TNR: variants seen among roughly 807,000 people sequenced by gnomAD.
The protein encoded by TNR is tenascin R.
In TNR, 45 loss-of-function variants were observed where a neutral mutation model predicts 150.4. The observed-to-expected ratio is 0.30, with a 90% CI of 0.24 to 0.38. TNR has a LOEUF of 0.38. Ranked by LOEUF, TNR falls within the 10% of genes least tolerant of loss-of-function variation. The pLI, the probability that TNR is intolerant of heterozygous loss-of-function variation, is 1.00. For synonymous variants in TNR, 687 were observed against 678.4 expected (o/e 1.01, Z -0.20); for missense variants, 1,544 against 1,759.1 (o/e 0.88, Z 2.19).
intron 9 of TNR, among the ~76,000 whole-genome samples, chr1:175,377,424 C>T (rs1157425656): frequency 2.7e-5 from 4 of 149,994 alleles, no homozygotes; most frequent in Non-Finnish European, 5.9e-5. Context: ...GGATGGGCTG[C>T]GCTTAGAATC....
intron 18 of TNR, among the ~76,000 whole-genome samples, chr1:175,350,670 C>T (rs536394336): frequency 1.1e-4 from 17 of 152,300 alleles, no homozygotes; most frequent in Non-Finnish European, 2.5e-4. Flanking sequence ...AGAAACACAA[C>T]AAGGGAAGAC....
intron 2 of TNR, among the ~76,000 whole-genome samples, chr1:175,435,573 G>A (rs1329358635): frequency 1.3e-5 from 2 of 152,210 alleles, no homozygotes; most frequent in Non-Finnish European, 2.9e-5. Flanking sequence ...TTGGGCTGGA[G>A]ATGTAAATTT....
intron 18 of TNR, among the ~76,000 whole-genome samples, chr1:175,346,356 A>G (rs1236811354): frequency 1.3e-5 from 2 of 152,194 alleles, no homozygotes; most frequent in Non-Finnish European, 2.9e-5. Context: ...GGGGAGGTGA[A>G]GCGGGTAGGG....
At chr1:175,331,046 TTTC>T (rs1649772093) in intron 20 of TNR, among the ~76,000 whole-genome samples, 31 of 82,958 alleles carry the variant, frequency 3.7e-4, no homozygotes, top group African/African-American at 1.2e-3. Context: ...TCTTTCTTTC[TTTC>T]TTTCTTTCTT....
chr1:175,555,802 G>A (rs943654559), intron 1 of TNR, among the ~76,000 whole-genome samples: 6 of 152,204 alleles, frequency 3.9e-5, no homozygotes, highest in Non-Finnish European at 7.3e-5. Context: ...GCTGACCCAA[G>A]TTCAGCTTAT....
At chr1:175,517,037 G>C (rs1441619288) in intron 2 of TNR, among the ~76,000 whole-genome samples, 2 of 150,500 alleles carry the variant, frequency 1.3e-5, no homozygotes, top group Non-Finnish European at 2.9e-5. Context: ...GAGAGAGAGA[G>C]AGAGAGAGAG....
intron 2 of TNR, among the ~76,000 whole-genome samples, chr1:175,437,631 C>G (rs925087401): frequency 6.6e-6 from 1 of 151,940 alleles, no homozygotes; most frequent in African/African-American, 2.4e-5. Context: ...AGACCGCTAG[C>G]AAGACTAATA....
intron 1 of TNR, among the ~76,000 whole-genome samples, chr1:175,610,857 T>C (rs1663571956): frequency 6.6e-6 from 1 of 152,200 alleles, no homozygotes; most frequent in Non-Finnish European, 1.5e-5. Context: ...ATGCCACCAC[T>C]GCAGTAAGAG....
chr1:175,576,532 C>T (rs1406858232), intron 1 of TNR, among the ~76,000 whole-genome samples: 1 of 152,164 alleles, frequency 6.6e-6, no homozygotes, highest in Non-Finnish European at 1.5e-5. Context: ...CTAGGCACAG[C>T]AGCTACAAAG....
chr1:175,366,166 T>C lies in TNR; in HGVS notation c.2054-28A>G, dbSNP rs762592590. ...GTGGATTGACATAAATGGCCTATTT[T>C]ACATGTGTTCCCCTGGAGGGCAGTA... On this transcript the variant is annotated intron_variant, in intron 10 of 22. Transcript: ENST00000367674. The C allele has an allele frequency of 8.0e-5, 125 of 1,561,188 alleles. No homozygotes were observed. The Middle Eastern group carries it at 1.0e-3, about 13-fold the overall frequency.
chr1:175,370,976 T>C (rs1652074620), intron 9 of TNR, among the ~76,000 whole-genome samples: 2 of 152,128 alleles, frequency 1.3e-5, no homozygotes, highest in Admixed American at 1.3e-4. Flanking sequence ...TATAGGTTTG[T>C]GCCTGCTGCT....
chr1:175,362,908 C>G (rs1651668714), intron 13 of TNR, 99 bp from the exon 14 acceptor site: 2 of 1,437,404 alleles, frequency 1.4e-6, no homozygotes. Flanking sequence ...GGGTGTGGGA[C>G]TCCGCACTCA....
chr1:175,502,507 A>C (rs1347946662), intron 2 of TNR, among the ~76,000 whole-genome samples: 1 of 152,146 alleles, frequency 6.6e-6, no homozygotes, highest in Admixed American at 6.5e-5. Flanking sequence ...TCCTAGTTCC[A>C]GAGCTTCCTG....
intron 2 of TNR, among the ~76,000 whole-genome samples, chr1:175,424,186 G>A (rs1407592347): frequency 6.6e-6 from 1 of 152,158 alleles, no homozygotes; most frequent in African/African-American, 2.4e-5. Flanking sequence ...ACAAGTCCTT[G>A]GTCTTGCTAT....
At chr1:175,503,818 G>C (rs1441128898) in intron 2 of TNR, among the ~76,000 whole-genome samples, 8 of 152,214 alleles carry the variant, frequency 5.3e-5, no homozygotes, top group Non-Finnish European at 8.8e-5. Context: ...AGGAAGATGG[G>C]GGAGGCAGGC....
intron 1 of TNR, among the ~76,000 whole-genome samples, chr1:175,550,673 C>A (rs1660904139): frequency 6.6e-6 from 1 of 151,554 alleles, no homozygotes; most frequent in South Asian, 2.1e-4. Flanking sequence ...CTCTTTTATA[C>A]TTAAGACATG....
chr1:175,442,328 G>A (rs555769153), intron 2 of TNR, among the ~76,000 whole-genome samples: 41 of 152,242 alleles, frequency 2.7e-4, no homozygotes, highest in African/African-American at 9.1e-4. Context: ...GTTTGGCTCT[G>A]GATCACAAAA....
At chr1:175,662,769 C>T (rs541470417) in intron 1 of TNR, among the ~76,000 whole-genome samples, 7 of 152,302 alleles carry the variant, frequency 4.6e-5, no homozygotes, top group African/African-American at 1.7e-4. Flanking sequence ...GAAGAAGAGG[C>T]CGAGAAGGCC....
At chr1:175,436,931 G>A (rs1245886815) in intron 2 of TNR, among the ~76,000 whole-genome samples, 2 of 152,110 alleles carry the variant, frequency 1.3e-5, no homozygotes, top group Non-Finnish European at 1.5e-5. Context: ...CAATAATAAT[G>A]GGAGACTTTA....
Sources: gnomAD v4.1 joint callset for allele counts (sites outside exome capture counted in the v4.1 genomes callset) on GRCh38, gnomAD v4.1.1 for gene constraint, MANE v1.5 for transcripts, NCBI Gene and HGNC (gene_info 2026-07-23, HGNC 2026-07-21) for gene names.